Variants in CDH23 observed in about 807,000 individuals in gnomAD.
CDH23 encodes the protein cadherin related 23.
In CDH23, 189 loss-of-function variants were observed where a neutral mutation model predicts 317.1. That is an observed-to-expected ratio of 0.60 (90% CI 0.53 to 0.67). The LOEUF (loss-of-function observed/expected upper bound fraction) is 0.67. CDH23 is among the 30% of genes least tolerant of loss of function. CDH23 has a pLI of 0.00. For synonymous variants in CDH23, 1,839 were observed against 1,876.8 expected (o/e 0.98, Z 0.52); for missense variants, 4,401 against 4,592.4 (o/e 0.96, Z 1.20).
At chr10:71,778,058 G>T in intron 39 of CDH23, 131 bp from the exon 40 acceptor site, 1 of 1,458,384 alleles carries the variant, frequency 6.9e-7, no homozygotes, top group Non-Finnish European at 9.3e-7. Flanking sequence ...GTGGAGTGGA[G>T]CCTGGGCTAG....
intron 1 of CDH23, among the ~76,000 whole-genome samples, chr10:71,419,291 C>A (rs1043053524): frequency 6.6e-6 from 1 of 152,196 alleles, no homozygotes; most frequent in Non-Finnish European, 1.5e-5. Context: ...AATGAAGTGA[C>A]CTTGAGGGGG....
chr10:71,467,182 G>T lies in CDH23; in HGVS notation c.145+20787G>T, dbSNP rs1052412863. 2.6e-5 allele frequency among the ~76,000 whole-genome samples: 4 copies of T among 151,980 alleles called. No homozygotes were observed. In the East Asian group the frequency reaches 5.8e-4, roughly 22 times the overall value. On this transcript the variant is annotated intron_variant, in intron 3 of 69. Transcript: ENST00000224721. ...GAGGGAAGAGGGAAGGACCACCCAG[G>T]ACCTGGGCTGCTGGGTCCTAAGACC...
At position 71,485,547 on chromosome 10, in the gene CDH23, C is replaced by T. The variant is rs544960957; in HGVS notation, c.146-24535C>T. ...TTGTTTGAGAGGATATTCCCACCTG[C>T]TCCCAAGCCAACTTCCCCTTCCATC... On this transcript the variant is annotated intron_variant, in intron 3 of 69. Transcript: ENST00000224721. 3.9e-5 allele frequency among the ~76,000 whole-genome samples: 6 copies of T among 152,376 alleles called. 1 individual carries two copies. The highest frequency in any genetic ancestry group is 3.9e-4 in the Admixed American group (6 of 15,312).
intron 38 of CDH23, among the ~76,000 whole-genome samples, chr10:71,744,870 T>C (rs1255003464): frequency 6.6e-6 from 1 of 152,208 alleles, no homozygotes; most frequent in African/African-American, 2.4e-5. Context: ...CAGCAACAGG[T>C]ACCAACTTGA....
chr10:71,803,114 G>A (rs1164888899), intron 54 of CDH23, 39 bp downstream of exon 54: 1 of 1,601,748 alleles, frequency 6.2e-7, no homozygotes, highest in African/African-American at 1.3e-5. Flanking sequence ...TGTCTTGGGG[G>A]GTGGGAGGGG....
rs1840014850 is a variant in CDH23 at position 71,751,951 on chromosome 10, T to G, written c.4845+10030T>G. On this transcript the variant is annotated intron_variant, in intron 38 of 69. Coordinates refer to ENST00000224721, the MANE Select transcript of CDH23 (RefSeq NM_022124.6). The surrounding 1 kb of genome is among the most constrained non-coding windows in gnomAD (Gnocchi z 4.9). ...CCCCAGTTTTTCTCTCCTCCCTTTC[T>G]CTCACCTACATCCCCATCCCCAAGC... is the stretch of plus-strand genomic sequence containing the variant. 7.6e-7 allele frequency: 1 copy of G among 1,308,306 alleles called. No individual in the cohort carries two copies. Among genetic ancestry groups the G allele is most frequent in the African/African-American group, 1.5e-5 (1 of 68,158 alleles). The allele number at this position is 1,308,306 out of a possible 1,614,324, so 81.0% of individuals were successfully genotyped here.
intron 30 of CDH23, among the ~76,000 whole-genome samples, chr10:71,730,176 C>T (rs1385469286): frequency 6.6e-6 from 1 of 152,164 alleles, no homozygotes; most frequent in African/African-American, 2.4e-5. Flanking sequence ...AGCTGGGAAA[C>T]TGGGGGCCCC....
intron 8 of CDH23, among the ~76,000 whole-genome samples, chr10:71,576,601 C>T (rs1303238311): frequency 1.3e-5 from 2 of 152,138 alleles, no homozygotes; most frequent in East Asian, 3.9e-4. Context: ...ATGCAGATGC[C>T]AGGGTTGACA....
chr10:71,624,507 C>T (rs1177940770), intron 11 of CDH23, among the ~76,000 whole-genome samples: 3 of 152,038 alleles, frequency 2.0e-5, no homozygotes, highest in East Asian at 1.9e-4. Flanking sequence ...TAAATGGGTT[C>T]GTATCTGTAT....
chr10:71,755,762 G>T (rs1347656598), intron 38 of CDH23, among the ~76,000 whole-genome samples: 1 of 152,150 alleles, frequency 6.6e-6, no homozygotes, highest in Admixed American at 6.5e-5. Context: ...AGCCCACAAG[G>T]TACAGCTGGA....
At chr10:71,497,831 C>A (rs969241151) in intron 3 of CDH23, among the ~76,000 whole-genome samples, 3 of 152,172 alleles carry the variant, frequency 2.0e-5, no homozygotes, top group Admixed American at 6.5e-5. Context: ...GGCCACCCAG[C>A]CCTGTTTTCT....
chr10:71,646,563 C>T lies in CDH23; in HGVS notation c.1395C>T (p.Tyr465=). ...GGCCCATCTTCAGCCAGCCACTGTACAACATCAGCCTGTACGAGAACGTCA... is the reference window on the plus strand; with the variant it reads ...GGCCCATCTTCAGCCAGCCACTGTATAACATCAGCCTGTACGAGAACGTCA... The part of the protein sequence containing the change: ...DNRPIFSQPL[Y]NISLYENVTV... The change falls in exon 14 of 70, where the codon TAC becomes TAT. Residue 465 remains tyrosine (Y), a synonymous_variant. Transcript: ENST00000224721. The T allele has an allele frequency of 2.5e-6, 4 of 1,613,982 alleles. No individual in the cohort carries two copies. The highest frequency in any genetic ancestry group is 1.6e-4 in the Middle Eastern group (1 of 6,062).
intron 18 of CDH23, among the ~76,000 whole-genome samples, chr10:71,683,031 T>G (rs1025192849): frequency 1.3e-5 from 2 of 152,166 alleles, no homozygotes; most frequent in African/African-American, 4.8e-5. Flanking sequence ...CCTCTGAAGA[T>G]CTAAAGCGGT....
chr10:71,483,126 G>T (rs1852158890), intron 3 of CDH23, among the ~76,000 whole-genome samples: 1 of 152,238 alleles, frequency 6.6e-6, no homozygotes, highest in African/African-American at 2.4e-5. Flanking sequence ...GGGCCTGGGT[G>T]CCAGTAAGGC....
At chr10:71,704,145 G>A (rs1865692099) in intron 24 of CDH23, among the ~76,000 whole-genome samples, 3 of 152,200 alleles carry the variant, frequency 2.0e-5, no homozygotes, top group African/African-American at 7.2e-5. Context: ...CTCTCGTCCA[G>A]TTTGCTGGAT....
intron 9 of CDH23, among the ~76,000 whole-genome samples, chr10:71,588,100 C>T (rs907474799): frequency 9.2e-5 from 14 of 152,248 alleles, no homozygotes; most frequent in Non-Finnish European, 2.1e-4. Flanking sequence ...GGGTACCCTG[C>T]GGAGAGGGTG....
chr10:71,452,734 C>A (rs1475016464), intron 3 of CDH23, among the ~76,000 whole-genome samples: 1 of 152,152 alleles, frequency 6.6e-6, no homozygotes, highest in Non-Finnish European at 1.5e-5. Flanking sequence ...TAATTAACAG[C>A]GATTTTAGTG....
In CDH23 at chr10:71,694,621, C is replaced by G. The variant is rs1358934819; in HGVS notation, c.2289+362C>G. On this transcript the variant is annotated intron_variant, in intron 21 of 69. Coordinates refer to ENST00000224721, the MANE Select transcript of CDH23 (RefSeq NM_022124.6). The stretch of plus-strand genomic sequence containing the variant: ...GGCATTCCTGCGAGGAAGAGCAGCT[C>G]AGAGCAGGAAGCAGGGCCCTGGAGG... 3.9e-5 allele frequency among the ~76,000 whole-genome samples: 6 copies of G among 152,272 alleles called. No individual in the cohort carries two copies. The East Asian group carries it at 1.2e-3, about 29-fold the overall frequency.
At chr10:71,630,227 G>A in intron 11 of CDH23, among the ~76,000 whole-genome samples, 1 of 152,096 alleles carries the variant, frequency 6.6e-6, no homozygotes, top group Non-Finnish European at 1.5e-5. Context: ...TCACTACATT[G>A]CCTAAGCTGG....
Sources: allele counts gnomAD v4.1 joint callset (sites outside exome capture counted in the v4.1 genomes callset), GRCh38; gene constraint gnomAD v4.1.1; non-coding constraint Gnocchi (gnomAD v3.1); transcripts MANE v1.5; gene names NCBI Gene and HGNC (gene_info 2026-07-23, HGNC 2026-07-21).